Variants in CACNA1S observed in about 807,000 individuals in gnomAD.
CACNA1S encodes voltage-dependent L-type calcium channel subunit alpha-1S.
In CACNA1S, 126 loss-of-function variants were observed where a neutral mutation model predicts 207.4. The observed-to-expected ratio is 0.61, with a 90% CI of 0.53 to 0.70. The LOEUF (loss-of-function observed/expected upper bound fraction) is 0.70, where lower values mean the gene tolerates loss of function less well. CACNA1S is among the 30% of genes least tolerant of loss of function. The pLI is 0.00. For synonymous variants in CACNA1S, 960 were observed against 932.7 expected, an observed-to-expected ratio of 1.03 and a Z score of -0.53; for missense variants, 2,349 against 2,422.8, an observed-to-expected ratio of 0.97 and a Z score of 0.64.
At chr1:201,068,932 G>T (rs570643256) in intron 19 of CACNA1S, among the ~76,000 whole-genome samples, 6 of 152,180 alleles carry the variant, frequency 3.9e-5, no homozygotes, top group African/African-American at 1.4e-4. Context: ...CTCTGTGGAT[G>T]GGGGAGCCAC....
rs778331511 is a variant in CACNA1S at position 201,061,926 on chromosome 1, G to A, written c.3053+18C>T. ...CTGACCATGTCCATGAGGGACCTAG[G>A]CCCCAGCCATCACTCACTGAGGCCA... is the stretch of plus-strand genomic sequence containing the variant. On this transcript the variant is annotated intron_variant, in intron 24 of 43. Transcript: ENST00000362061. The A allele has an allele frequency of 6.2e-7, 1 of 1,613,996 alleles. No homozygotes were observed. The highest frequency in any genetic ancestry group is 1.1e-5 in the South Asian group (1 of 91,078).
chr1:201,068,313 G>C (rs1661323287), intron 19 of CACNA1S, among the ~76,000 whole-genome samples: 1 of 125,766 alleles, frequency 8.0e-6, no homozygotes, highest in African/African-American at 3.1e-5. Flanking sequence ...CATGATCTCA[G>C]CTCACTGCAA....
intron 1 of CACNA1S, 40 bp downstream of exon 1, chr1:201,112,148 G>A (rs760619157): frequency 1.3e-6 from 2 of 1,584,116 alleles, no homozygotes; most frequent in Admixed American, 1.7e-5. Context: ...CCTCCCTCAT[G>A]ACGCACACCC....
chr1:201,111,740 T>C (rs2102192560), intron 1 of CACNA1S, among the ~76,000 whole-genome samples: 1 of 152,244 alleles, frequency 6.6e-6, no homozygotes, highest in Admixed American at 6.5e-5. Context: ...AAAATGAGGC[T>C]GGTGCTTCAA....
At chr1:201,110,075 C>A in intron 2 of CACNA1S, 89 bp downstream of exon 2, 3 of 1,194,194 alleles carry the variant, frequency 2.5e-6, no homozygotes, top group Non-Finnish European at 3.8e-6. Flanking sequence ...ACCACCGGCA[C>A]CATCCCCCAG....
chr1:201,092,541 C>T (rs995278244), intron 3 of CACNA1S, among the ~76,000 whole-genome samples: 1 of 152,170 alleles, frequency 6.6e-6, no homozygotes, highest in African/African-American at 2.4e-5. Context: ...TTTGATAATG[C>T]CCTTTATTTT....
At chr1:201,068,432 A>G (rs374749345) in intron 19 of CACNA1S, among the ~76,000 whole-genome samples, 5 of 150,066 alleles carry the variant, frequency 3.3e-5, no homozygotes, top group East Asian at 2.0e-4. Flanking sequence ...TAGTAGAGAC[A>G]GGGTTTCATC....
chr1:201,067,058 A>G, intron 19 of CACNA1S, 65 bp from the exon 20 acceptor site: 2 of 1,081,656 alleles, frequency 1.8e-6, no homozygotes, highest in Non-Finnish European at 2.8e-6. Context: ...TCCCACAGAC[A>G]AGGGCTTCTC....
chr1:201,089,964 C>G (rs768750483), intron 5 of CACNA1S, among the ~76,000 whole-genome samples: 1 of 152,154 alleles, frequency 6.6e-6, no homozygotes, highest in South Asian at 2.1e-4. Context: ...CCACCAGGCC[C>G]GAGCCTGCAC....
chr1:201,070,088 G>A (rs1661395761), intron 17 of CACNA1S, among the ~76,000 whole-genome samples, 184 bp downstream of exon 17: 1 of 152,222 alleles, frequency 6.6e-6, no homozygotes. Flanking sequence ...TAACTGATAA[G>A]GTTTAAAGCA....
At chr1:201,089,206 G>T (rs1285251158) in intron 6 of CACNA1S, 52 bp downstream of exon 6, 1 of 1,572,890 alleles carries the variant, frequency 6.4e-7, no homozygotes. Context: ...CCACTCCCTT[G>T]CAAGCCTGTG....
chr1:201,095,812 G>C (rs1164232306), intron 2 of CACNA1S, among the ~76,000 whole-genome samples: 1 of 152,194 alleles, frequency 6.6e-6, no homozygotes, highest in African/African-American at 2.4e-5. Flanking sequence ...AGCTGCAAAG[G>C]GAGGTCTTGG....
chr1:201,044,504 G>C, intron 38 of CACNA1S, 48 bp from the exon 39 acceptor site: 1 of 1,600,918 alleles, frequency 6.2e-7, no homozygotes, highest in Non-Finnish European at 8.5e-7. Context: ...CAGGAGAGGA[G>C]ACCAGAACCA....
At chr1:201,047,488 C>T in intron 37 of CACNA1S, 37 bp downstream of exon 37, 2 of 1,546,794 alleles carry the variant, frequency 1.3e-6, no homozygotes, top group South Asian at 2.2e-5. Flanking sequence ...CATTCCTTGG[C>T]TGCTTCTGGA....
chr1:201,062,043 A>T lies in CACNA1S; in HGVS notation c.2954T>A (p.Leu985Gln), dbSNP rs1661069620. The T allele has an allele frequency of 1.2e-6, 2 of 1,614,048 alleles. No individual in the cohort carries two copies. The change falls in exon 24 of 44, where the codon CTG becomes CAG. Residue 985 changes from leucine to glutamine, a missense_variant. Physicochemically the swap from Leu to Gln is moderately radical, Grantham distance 113. Transcript: ENST00000362061. ...GCTGTGTACCCACTCGCGGTGACGC[A>T]GCTCTATCTGCATGGGGTCCCCGTC... ...YKDGDPMQIE[L>Q]RHREWVHSDF...
intron 2 of CACNA1S, among the ~76,000 whole-genome samples, chr1:201,094,634 T>A (rs550417390): frequency 1.3e-5 from 2 of 152,036 alleles, no homozygotes; most frequent in Non-Finnish European, 2.9e-5. Context: ...TGCTGGGCAG[T>A]GTTGCTCTTT....
intron 2 of CACNA1S, among the ~76,000 whole-genome samples, chr1:201,098,368 G>A (rs1005080801): frequency 6.6e-5 from 10 of 152,346 alleles, no homozygotes; most frequent in African/African-American, 2.4e-4. Context: ...TTCCATGCAT[G>A]TGGGTGGACT....
At chr1:201,083,110 C>G in intron 10 of CACNA1S, 52 bp downstream of exon 10, 1 of 1,602,960 alleles carries the variant, frequency 6.2e-7, no homozygotes, top group Non-Finnish European at 8.5e-7. Flanking sequence ...ATTTTGACAT[C>G]AAGCCACAGC....
At chr1:201,099,209 T>C (rs1158416253) in intron 2 of CACNA1S, among the ~76,000 whole-genome samples, 6 of 152,226 alleles carry the variant, frequency 3.9e-5, no homozygotes, top group Admixed American at 3.9e-4. Flanking sequence ...AGTCTCCCTA[T>C]CTGGGACCAC....
Sources: gnomAD v4.1 joint callset for allele counts (sites outside exome capture counted in the v4.1 genomes callset) on GRCh38, gnomAD v4.1.1 for gene constraint, MANE v1.5 for transcripts, NCBI Gene and HGNC (gene_info 2026-07-23, HGNC 2026-07-21) for gene names.